KASH5: variants seen among roughly 807,000 people sequenced by gnomAD.
KASH5 encodes the protein protein KASH5.
A neutral mutation model predicts 84.2 loss-of-function variants in KASH5; 72 were observed. The observed-to-expected ratio is 0.85, with a 90% CI of 0.71 to 1.04. The LOEUF (loss-of-function observed/expected upper bound fraction) is 1.04, where lower values mean the gene tolerates loss of function less well. Among genes scored for constraint, KASH5 ranks in the 50% least tolerant of loss-of-function variants. The probability of loss-of-function intolerance (pLI) is 0.00; values close to 1 mark genes in which losing one functional copy is unlikely to be tolerated. For synonymous variants in KASH5, 260 were observed against 279.1 expected (o/e 0.93, Z 0.68); for missense variants, 650 against 701.0 (o/e 0.93, Z 0.82).
intron 2 of KASH5, among the ~76,000 whole-genome samples, chr19:49,391,302 T>G (rs1267631984): frequency 1.3e-5 from 2 of 152,228 alleles, no homozygotes; most frequent in Non-Finnish European, 2.9e-5. Flanking sequence ...TGTCATGTTT[T>G]GTCTCTGTCT....
chr19:49,392,766 G>A (rs1974042271), intron 2 of KASH5, among the ~76,000 whole-genome samples: 1 of 152,126 alleles, frequency 6.6e-6, no homozygotes, highest in Non-Finnish European at 1.5e-5. Flanking sequence ...ACAAAAATTA[G>A]CTGGGCCTGG....
At position 49,408,632 on chromosome 19, in the gene KASH5, T is replaced by C. The variant is rs553254307; in HGVS notation, c.994-335T>C. 1.2e-4 allele frequency among the ~76,000 whole-genome samples: 19 copies of C among 152,192 alleles called. No individual in the cohort carries two copies. The East Asian group carries it at 3.7e-3, about 30-fold the overall frequency. ...CCCGGCTAATTTTTTGTATTTTTAG[T>C]AGAGACATGGTTTCACCCTGTCAGC... On this transcript the variant is annotated intron_variant, in intron 12 of 19. Coordinates refer to ENST00000447857, the MANE Select transcript of KASH5 (RefSeq NM_144688.5).
Position 49,417,359 on chromosome 19 carries a change from TC to T in KASH5, c.1548-6del. On this transcript the variant is annotated splice_polypyrimidine_tract_variant and intron_variant, in intron 19 of 19. Coordinates refer to ENST00000447857, the MANE Select transcript of KASH5 (RefSeq NM_144688.5). The surrounding 1 kb of genome is among the most constrained non-coding windows in gnomAD (Gnocchi z 5.2). ...ACCCTGCCCTAAATGCTCTCCCACC[TC>T]CCCACCAGAGTCACTCGACATCCAC... 6.4e-7 allele frequency: 1 copy of T among 1,552,678 alleles called. No individual in the cohort carries two copies. The highest frequency in any genetic ancestry group is 8.7e-7 in the Non-Finnish European group (1 of 1,147,098).
chr19:49,408,670 G>A (rs112817154), intron 12 of KASH5, among the ~76,000 whole-genome samples: 3 of 152,136 alleles, frequency 2.0e-5, no homozygotes, highest in African/African-American at 4.8e-5. Context: ...GGATGGTCTC[G>A]ATCTCCTGAC....
In KASH5 at chr19:49,394,210, C is replaced by T. The variant is rs118139056; in HGVS notation, c.44-266C>T. Among the ~76,000 whole-genome samples, 1,012 of 152,252 alleles carry T rather than the reference C, an allele frequency of 6.6e-3. 5 individuals carry two copies. The highest frequency in any genetic ancestry group is 0.011 in the Non-Finnish European group (765 of 68,004). ...AGAGGAGGAAAGGGTGATCTCAGAG[C>T]GTTCTTCTCTGGGCTCCTAAGCCAA... On this transcript the variant is annotated intron_variant, in intron 2 of 19. Transcript: ENST00000447857.
chr19:49,406,193 A>G (rs528029077), intron 9 of KASH5, among the ~76,000 whole-genome samples: 13 of 152,130 alleles, frequency 8.5e-5, no homozygotes, highest in East Asian at 1.9e-4. Flanking sequence ...GAAAATGCAT[A>G]TAATTATTGA....
rs1974647901 is a variant in KASH5, at chr19:49,409,640, T to C, written c.1147-113T>C. On this transcript the variant is annotated intron_variant, in intron 14 of 19. Transcript: ENST00000447857. ...CCCAACCCCAGCCCCACACCAGCCC[T>C]TTTCTATCTCTCATCCTATTTTCAG... is the stretch of plus-strand genomic sequence containing the variant. The C allele has an allele frequency of 8.0e-6, 11 of 1,377,438 alleles. No individual in the cohort carries two copies. In the East Asian group the frequency reaches 2.4e-4, roughly 30 times the overall value. 85.3% of individuals were successfully genotyped at this position (1,377,438 alleles called of 1,614,324 possible). A position where few individuals can be genotyped will look rare whatever the true frequency, so the allele number is the denominator to read the frequency against.
At position 49,411,183 on chromosome 19, in the gene KASH5, C is replaced by T. The variant is rs1164023129; in HGVS notation, c.1269+1308C>T. Among the ~76,000 whole-genome samples the T allele has an allele frequency of 2.6e-5, 4 of 152,168 alleles. No homozygotes were observed. The East Asian group carries it at 5.8e-4, about 22-fold the overall frequency. On this transcript the variant is annotated intron_variant, in intron 15 of 19. Coordinates refer to ENST00000447857, the MANE Select transcript of KASH5 (RefSeq NM_144688.5). ...GAACTCCTGGGGTCAAGTGATCCGC[C>T]TACCTCAGTCTCCTAGAGTGCTGGG...
chr19:49,402,764 C>T (rs1974403143), intron 9 of KASH5, among the ~76,000 whole-genome samples: 1 of 152,124 alleles, frequency 6.6e-6, no homozygotes, highest in African/African-American at 2.4e-5. Flanking sequence ...GAACTTCCTG[C>T]CTTACAGTTC....
chr19:49,392,395 T>G (rs9304687), intron 2 of KASH5, among the ~76,000 whole-genome samples: 74,410 of 151,660 alleles, frequency 0.49, 18,376 homozygotes, highest in South Asian at 0.63. Flanking sequence ...GACAGAGACA[T>G]AGAGGAGATA....
intron 9 of KASH5, among the ~76,000 whole-genome samples, chr19:49,403,819 G>GGCCCTC (rs1224995632): frequency 1.3e-5 from 2 of 152,158 alleles, no homozygotes; most frequent in Non-Finnish European, 2.9e-5. Context: ...GGACACCCTC[G>GGCCCTC]GCCCTCGATA....
At chr19:49,407,331 C>T (rs1974559784) in intron 11 of KASH5, 35 bp downstream of exon 11, 1 of 1,602,824 alleles carries the variant, frequency 6.2e-7, no homozygotes, top group African/African-American at 1.3e-5. Context: ...GATTCGCTTT[C>T]CATGTGCACC....
At position 49,414,817 on chromosome 19, in the gene KASH5, C is replaced by T. The variant is rs1974847462; in HGVS notation, c.1329-134C>T. 1.2e-6 allele frequency: 1 copy of T among 836,376 alleles called. No individual in the cohort carries two copies. The highest frequency in any genetic ancestry group is 2.0e-6 in the Non-Finnish European group (1 of 503,722). The allele number at this position is 836,376 out of a possible 1,614,324, so 51.8% of individuals were successfully genotyped here. On this transcript the variant is annotated intron_variant, in intron 16 of 19. Coordinates refer to ENST00000447857, the MANE Select transcript of KASH5 (RefSeq NM_144688.5). The surrounding 1 kb of genome is among the most constrained non-coding windows in gnomAD (Gnocchi z 4.5). ...CCCCAGGCCCGTCCGTGCTGCCTGG[C>T]CTCCCCCAGGCCCGTCCGTGCTGCC... is the stretch of plus-strand genomic sequence containing the variant.
Position 49,395,079 on chromosome 19 carries a change from AC to A in KASH5, c.149-22del. On this transcript the variant is annotated intron_variant, in intron 3 of 19. Coordinates refer to ENST00000447857, the MANE Select transcript of KASH5 (RefSeq NM_144688.5). The surrounding 1 kb of genome is among the most constrained non-coding windows in gnomAD (Gnocchi z 4.4). ...ACCCATCACTCCCCACCTGCCCCAG[AC>A]CCCCTCACTGCATGCTCTGTCACAG... The A allele has an allele frequency of 1.3e-6, 2 of 1,572,694 alleles. No homozygotes were observed. The highest frequency in any genetic ancestry group is 1.7e-6 in the Non-Finnish European group (2 of 1,164,076).
intron 1 of KASH5, 148 bp from the exon 2 acceptor site, chr19:49,390,641 A>G (rs1973971549): frequency 2.2e-6 from 1 of 456,772 alleles, no homozygotes; most frequent in African/African-American, 2.1e-5. Flanking sequence ...CCAATCCATA[A>G]AACAGGTCAG....
intron 9 of KASH5, among the ~76,000 whole-genome samples, chr19:49,402,246 A>C (rs1009058348): frequency 6.6e-6 from 1 of 151,676 alleles, no homozygotes; most frequent in Non-Finnish European, 1.5e-5. Context: ...AGTCTCAAAA[A>C]AAAAAGGAAA....
intron 17 of KASH5, chr19:49,415,289 C>G (rs907039278): frequency 4.0e-6 from 2 of 502,478 alleles, no homozygotes; most frequent in African/African-American, 3.9e-5. Context: ...TGGCTACACC[C>G]CCGGATTGCA....
At position 49,390,905 on chromosome 19, in the gene KASH5, G is replaced by C. The variant is rs200687283; in HGVS notation, c.22G>C (p.Val8Leu). ...GCCCATGGACCTGCCCGAGGGCCCG[G>C]TGGGTGGCCCCACTGCGGAAAGTAA... MDLPEGP[V>L]GGPTAEMYLR... The change falls in exon 2 of 20, where the codon GTG becomes CTG. Residue 8 changes from valine (V) to leucine (L), a missense_variant. Physicochemically the swap from Val to Leu is conservative, Grantham distance 32. Transcript: ENST00000447857. 1 of 1,601,370 alleles carries C rather than the reference G, an allele frequency of 6.2e-7. No individual in the cohort carries two copies. Among genetic ancestry groups the C allele is most frequent in the Non-Finnish European group, 8.5e-7 (1 of 1,175,056 alleles).
At chr19:49,409,592 CCT>C (rs776423831) in intron 14 of KASH5, among the ~76,000 whole-genome samples, 159 bp from the exon 15 acceptor site, 2 of 152,278 alleles carry the variant, frequency 1.3e-5, no homozygotes, top group East Asian at 1.9e-4. Context: ...CAAATCCTCC[CCT>C]GTTCCTGCTT....
Sources: gnomAD v4.1 joint callset for allele counts (sites outside exome capture counted in the v4.1 genomes callset) on GRCh38, gnomAD v4.1.1 for gene constraint, Gnocchi (gnomAD v3.1) non-coding constraint, MANE v1.5 for transcripts, NCBI Gene and HGNC (gene_info 2026-07-23, HGNC 2026-07-21) for gene names.